The following COPS5 variants were observed in gnomAD, a reference collection of about 807,000 sequenced individuals.
COPS5 encodes COP9 signalosome subunit 5.
COPS5 carries 8 observed loss-of-function variants against 44.4 expected under a neutral mutation model. That is an observed-to-expected ratio of 0.18 (90% CI 0.11 to 0.32). COPS5 has a LOEUF of 0.32. Ranked by LOEUF, COPS5 falls within the 10% of genes least tolerant of loss-of-function variation. The probability of loss-of-function intolerance (pLI) is 1.00; values close to 1 mark genes in which losing one functional copy is unlikely to be tolerated. For missense variants in COPS5, 159 were observed against 406.4 expected, an observed-to-expected ratio of 0.39 and a Z score of 5.23; for synonymous variants, 122 against 142.8, an observed-to-expected ratio of 0.85 and a Z score of 1.04.
intron 1 of COPS5, chr8:67,059,656 G>A: frequency 3.7e-6 from 2 of 536,280 alleles, no homozygotes; most frequent in East Asian, 6.2e-5. Context: ...CTTAGGGGAG[G>A]GGAAAAGTCT....
At position 67,045,851 on chromosome 8, in the gene COPS5, C is replaced by T. The variant is rs1816693859; in HGVS notation, c.881G>A (p.Arg294Gln). 6.2e-7 allele frequency: 1 copy of T among 1,614,158 alleles called. No individual in the cohort carries two copies. The highest frequency in any genetic ancestry group is 8.5e-7 in the Non-Finnish European group (1 of 1,180,028). Reference sequence around the variant, plus strand: ...TTTGGCAAGTTTGTCTTCTGATTTTCGGTCATGCGTTTCTAAACCCAACAT... The same window carrying T: ...TTTGGCAAGTTTGTCTTCTGATTTTTGGTCATGCGTTTCTAAACCCAACAT... ...SFMLGLETHD[R>Q]KSEDKLAKAT... Residue 294 changes from arginine to glutamine, a missense_variant, in exon 7 of 8, where the codon CGA becomes CAA. Around this residue, in one of 2 missense-constraint regions of COPS5, gnomAD observed 134 missense variants for 376.7 expected, o/e 0.36. Coordinates refer to ENST00000357849, the MANE Select transcript of COPS5 (RefSeq NM_006837.3).
At chr8:67,055,849 G>C (rs988762998) in intron 5 of COPS5, among the ~76,000 whole-genome samples, 2 of 131,952 alleles carry the variant, frequency 1.5e-5, no homozygotes, top group Non-Finnish European at 3.2e-5. Flanking sequence ...CTGGGCAACA[G>C]AGCAAGACTA....
At chr8:67,054,027 C>G (rs928412472) in intron 5 of COPS5, among the ~76,000 whole-genome samples, 1 of 143,118 alleles carries the variant, frequency 7.0e-6, no homozygotes, top group Non-Finnish European at 1.5e-5. Context: ...AAAAAAAGAA[C>G]ATTTTAGCAA....
At chr8:67,052,313 C>T (rs1804428697) in intron 5 of COPS5, among the ~76,000 whole-genome samples, 1 of 151,204 alleles carries the variant, frequency 6.6e-6, no homozygotes, top group Admixed American at 6.6e-5. Flanking sequence ...GATAATAAGG[C>T]AATGGGTTTA....
chr8:67,061,802 T>C, intron 1 of COPS5, 52 bp downstream of exon 1: 12 of 1,596,008 alleles, frequency 7.5e-6, no homozygotes, highest in Non-Finnish European at 9.4e-6. Flanking sequence ...TCTGGGTCTC[T>C]TAAACTCCGC....
At chr8:67,045,694 G>T in intron 7 of COPS5, 118 bp downstream of exon 7, 1 of 1,007,668 alleles carries the variant, frequency 9.9e-7, no homozygotes, top group Non-Finnish European at 1.5e-6. Flanking sequence ...TTAATATTCA[G>T]GTACCATTCT....
chr8:67,053,019 TGAGAA>T (rs1804441896), intron 5 of COPS5, among the ~76,000 whole-genome samples: 1 of 151,694 alleles, frequency 6.6e-6, no homozygotes, highest in Non-Finnish European at 1.5e-5. Flanking sequence ...GCAGGGAAGA[TGAGAA>T]GAGACAGAGG....
At chr8:67,059,086 A>G (rs973587096) in intron 2 of COPS5, 125 bp downstream of exon 2, 1 of 638,578 alleles carries the variant, frequency 1.6e-6, no homozygotes, top group Non-Finnish European at 2.7e-6. Flanking sequence ...TACATTTTAC[A>G]TATAAATCAT....
chr8:67,045,310 C>T (rs1816685876), intron 7 of COPS5: 2 of 152,614 alleles, frequency 1.3e-5, no homozygotes, highest in Admixed American at 6.5e-5. Flanking sequence ...AAAAATTAGT[C>T]AGGCATGATG....
intron 5 of COPS5, among the ~76,000 whole-genome samples, chr8:67,055,268 G>A (rs978035650): frequency 6.6e-6 from 1 of 152,218 alleles, no homozygotes; most frequent in Non-Finnish European, 1.5e-5. Flanking sequence ...TCTGTGATAA[G>A]GACTAAGGAT....
At chr8:67,050,985 A>G (rs1014244706) in intron 6 of COPS5, among the ~76,000 whole-genome samples, 1 of 151,972 alleles carries the variant, frequency 6.6e-6, no homozygotes, top group African/African-American at 2.4e-5. Context: ...TCCTTATGGC[A>G]GGGGCAGATC....
chr8:67,047,141 A>G (rs1160330276), intron 6 of COPS5, among the ~76,000 whole-genome samples: 2 of 152,150 alleles, frequency 1.3e-5, no homozygotes, highest in African/African-American at 4.8e-5. Flanking sequence ...TCAATAGAAG[A>G]GTATGAAGAG....
intron 4 of COPS5, 83 bp from the exon 5 acceptor site, chr8:67,056,687 ATATATATATATATATATATATAT>A (rs1261801863): frequency 6.1e-5 from 8 of 130,428 alleles, no homozygotes; most frequent in African/African-American, 1.4e-4. Flanking sequence ...ATATATATAT[ATATATATATATATATATATATAT>A]AAAAATGAGA....
rs1816656808 is a variant in COPS5 at position 67,043,134 on chromosome 8, C to T, written c.*99G>A. ...TTAATATTTAGGACACTTCAGAGCA[C>T]CTTATACTTCTAATCAGATTTTGGG... On this transcript the variant is annotated 3_prime_UTR_variant, in exon 8 of 8. Transcript: ENST00000357849. 2 of 684,090 alleles carry T rather than the reference C, an allele frequency of 2.9e-6. No individual in the cohort carries two copies. The highest frequency in any genetic ancestry group is 2.7e-5 in the Admixed American group (1 of 36,774). 42.4% of individuals were successfully genotyped at this position (684,090 alleles called of 1,614,324 possible). A position where few individuals can be genotyped will look rare whatever the true frequency, so the allele number is the denominator to read the frequency against.
intron 5 of COPS5, among the ~76,000 whole-genome samples, chr8:67,055,832 C>T (rs574423637): frequency 1.5e-5 from 2 of 137,700 alleles, no homozygotes; most frequent in South Asian, 2.2e-4. Context: ...CGCCACTGCA[C>T]TCCAGCCTGG....
intron 5 of COPS5, among the ~76,000 whole-genome samples, chr8:67,055,916 C>T (rs1804496909): frequency 6.6e-6 from 1 of 152,142 alleles, no homozygotes; most frequent in South Asian, 2.1e-4. Flanking sequence ...AGAATTCTTA[C>T]ACTTTTATAA....
chr8:67,049,702 TAC>T (rs1274613847), intron 6 of COPS5, among the ~76,000 whole-genome samples: 1 of 152,194 alleles, frequency 6.6e-6, no homozygotes, highest in Non-Finnish European at 1.5e-5. Flanking sequence ...CTCCTTTGGT[TAC>T]AGTTTCAGCT....
intron 6 of COPS5, 53 bp downstream of exon 6, chr8:67,051,177 G>T: frequency 8.8e-7 from 1 of 1,142,528 alleles, no homozygotes; most frequent in Non-Finnish European, 1.3e-6. Flanking sequence ...ATATTAAACG[G>T]CTATGAAGCT....
At chr8:67,045,767 G>GA (rs1482323348) in intron 7 of COPS5, 45 bp downstream of exon 7, 6 of 1,605,028 alleles carry the variant, frequency 3.7e-6, no homozygotes, top group Admixed American at 3.4e-5. Context: ...AATTTTGAAA[G>GA]AAAAAGAGTT....
Sources: allele counts gnomAD v4.1 joint callset (sites outside exome capture counted in the v4.1 genomes callset), GRCh38; gene constraint gnomAD v4.1.1; regional missense constraint gnomAD v4.1.1; transcripts MANE v1.5; gene names NCBI Gene and HGNC (gene_info 2026-07-23, HGNC 2026-07-21).